RTCB: variants seen among roughly 807,000 people sequenced by gnomAD.
RTCB encodes RNA-splicing ligase RTCB.
Under a neutral mutation model 58.2 loss-of-function variants are expected in RTCB, and 32 were observed. The ratio of observed to expected loss-of-function variants is 0.55; its 90% CI spans 0.41 to 0.74. The LOEUF is 0.74. RTCB is among the 30% of genes least tolerant of loss of function. The pLI is 0.00. For synonymous variants in RTCB, 247 were observed against 218.6 expected, an observed-to-expected ratio of 1.13 and a Z score of -1.15; for missense variants, 523 against 639.0, an observed-to-expected ratio of 0.82 and a Z score of 1.96.
At chr22:32,394,089 A>T in intron 9 of RTCB, 87 bp from the exon 10 acceptor site, 2 of 834,138 alleles carry the variant, frequency 2.4e-6, no homozygotes, top group Non-Finnish European at 2.0e-6. Context: ...CTTGCACTGT[A>T]GGATTGTAGG....
intron 11 of RTCB, among the ~76,000 whole-genome samples, chr22:32,389,520 C>G (rs556937923): frequency 6.6e-6 from 1 of 152,240 alleles, no homozygotes; most frequent in African/African-American, 2.4e-5. Flanking sequence ...CTTTGTAGCT[C>G]AGGCTGGTCT....
intron 1 of RTCB, 137 bp downstream of exon 1, chr22:32,411,927 A>T: frequency 1.6e-6 from 1 of 634,622 alleles, no homozygotes; most frequent in South Asian, 2.2e-5. Context: ...CCGTGAGGGG[A>T]GAAGGACGGG....
chr22:32,390,844 T>C (rs1933143622), intron 11 of RTCB, among the ~76,000 whole-genome samples: 1 of 152,238 alleles, frequency 6.6e-6, no homozygotes, highest in Non-Finnish European at 1.5e-5. Context: ...ATACTCTGAC[T>C]CAGTAATTCC....
intron 11 of RTCB, among the ~76,000 whole-genome samples, chr22:32,390,300 G>C (rs190314948): frequency 1.3e-5 from 2 of 152,210 alleles, no homozygotes; most frequent in African/African-American, 4.8e-5. Flanking sequence ...TGGTTAGTAC[G>C]TGTTAGCTGA....
chr22:32,399,698 C>T lies in RTCB; in HGVS notation c.559G>A (p.Ala187Thr), dbSNP rs751820655. Residue 187 changes from alanine to threonine, a missense_variant, in exon 6 of 12, where the codon GCT becomes ACT. Coordinates refer to ENST00000216038, the MANE Select transcript of RTCB (RefSeq NM_014306.5). ...DWSLREGYAW[A>T]EDKEHCEEYG... ...TCCTCGCAGTGCTCCTTGTCTTCAGCCCAGGCATACCCTTCTCTTAAGGAC... is the reference window on the plus strand; with the variant it reads ...TCCTCGCAGTGCTCCTTGTCTTCAGTCCAGGCATACCCTTCTCTTAAGGAC... The T allele has an allele frequency of 6.2e-7, 1 of 1,614,078 alleles. No homozygotes were observed. Among genetic ancestry groups the T allele is most frequent in the Non-Finnish European group, 8.5e-7 (1 of 1,179,990 alleles).
intron 4 of RTCB, among the ~76,000 whole-genome samples, chr22:32,402,776 T>C (rs1933359471): frequency 6.6e-6 from 1 of 152,114 alleles, no homozygotes; most frequent in Non-Finnish European, 1.5e-5. Context: ...GACAGGTTCT[T>C]GTTCTCTCAC....
At chr22:32,388,243 AAAAG>A in intron 11 of RTCB, 144 bp from the exon 12 acceptor site, 3 of 583,796 alleles carry the variant, frequency 5.1e-6, no homozygotes, top group Non-Finnish European at 9.1e-6. Context: ...AAAAATTTAA[AAAAG>A]AAGTAAGCCT....
Position 32,401,871 on chromosome 22 carries a change from GGACACCACAGTTGATGTCAAACCC to G in RTCB, c.349_372del (p.Gly117_Val124del). The G allele has an allele frequency of 1.2e-6, 2 of 1,613,988 alleles. No homozygotes were observed. Among genetic ancestry groups the G allele is most frequent in the East Asian group, 2.2e-5 (1 of 44,870 alleles). ...TCATCTAAATTGGTTCTTAGCAAGC[GGACACCACAGTTGATGTCAAACCC>G]GACACCACCTACAAAATAGAGAAAA... On this transcript the variant is annotated inframe_deletion, in exon 5 of 12. Coordinates refer to ENST00000216038, the MANE Select transcript of RTCB (RefSeq NM_014306.5).
chr22:32,388,319 A>G (rs1324851201), intron 11 of RTCB, among the ~76,000 whole-genome samples: 2 of 152,014 alleles, frequency 1.3e-5, no homozygotes, highest in African/African-American at 4.8e-5. Context: ...TATTTTTCAA[A>G]ATGTCTTTAA....
chr22:32,397,589 A>ATGAATTCT (rs1415440196), intron 7 of RTCB, among the ~76,000 whole-genome samples: 1 of 152,230 alleles, frequency 6.6e-6, no homozygotes, highest in African/African-American at 2.4e-5. Flanking sequence ...GCCAAATGAA[A>ATGAATTCT]GCCTATTTCA....
intron 9 of RTCB, among the ~76,000 whole-genome samples, chr22:32,394,402 C>G (rs1933209246): frequency 6.6e-6 from 1 of 152,018 alleles, no homozygotes. Flanking sequence ...TAAGCCACCA[C>G]ACCCGGCCGG....
At chr22:32,392,703 T>C (rs1419207765) in intron 10 of RTCB, among the ~76,000 whole-genome samples, 1 of 152,184 alleles carries the variant, frequency 6.6e-6, no homozygotes, top group African/African-American at 2.4e-5. Flanking sequence ...GGGGATCTCC[T>C]TTGTTGAAAA....
chr22:32,393,433 G>C lies in RTCB; in HGVS notation c.1290+459C>G, dbSNP rs558951701. Among the ~76,000 whole-genome samples the C allele has an allele frequency of 1.6e-4, 24 of 152,226 alleles. No individual in the cohort carries two copies. The South Asian group carries it at 4.8e-3, about 30-fold the overall frequency. On this transcript the variant is annotated intron_variant, in intron 10 of 11. Transcript: ENST00000216038. ...AGATGAGAGGCAGTGTTTTGAAATG[G>C]GTGTGTGTGTAGACTGTACATGGGC...
At chr22:32,408,478 T>C (rs150064689) in intron 2 of RTCB, among the ~76,000 whole-genome samples, 289 of 152,294 alleles carry the variant, frequency 1.9e-3, no homozygotes, top group African/African-American at 6.2e-3. Flanking sequence ...ATATAGTAAG[T>C]GCAAAACAAA....
At chr22:32,407,846 T>C (rs1933454112) in intron 3 of RTCB, 1 of 283,902 alleles carries the variant, frequency 3.5e-6, no homozygotes, top group Non-Finnish European at 6.8e-6. Context: ...CAGTGCAGTG[T>C]GGAACTCTGG....
intron 1 of RTCB, among the ~76,000 whole-genome samples, chr22:32,411,466 G>C (rs1188945749): frequency 6.6e-6 from 1 of 152,106 alleles, no homozygotes; most frequent in Non-Finnish European, 1.5e-5. Flanking sequence ...CTTCTTCCTA[G>C]GTGGGTAGAG....
intron 4 of RTCB, among the ~76,000 whole-genome samples, chr22:32,403,090 C>T (rs73168732): frequency 0.064 from 9,709 of 151,894 alleles, 404 homozygotes; most frequent in African/African-American, 0.11. Context: ...GAGAGATGAC[C>T]GGCAAATAAA....
At chr22:32,406,198 C>T (rs1019905112) in intron 4 of RTCB, among the ~76,000 whole-genome samples, 3 of 152,132 alleles carry the variant, frequency 2.0e-5, no homozygotes, top group African/African-American at 7.2e-5. Flanking sequence ...TTGTAATAGC[C>T]TCTCAGTATC....
chr22:32,409,777 C>CAAGAAAGAAGGAAG (rs1423198198), intron 1 of RTCB, among the ~76,000 whole-genome samples: 21 of 151,924 alleles, frequency 1.4e-4, no homozygotes, highest in Admixed American at 2.6e-4. Context: ...ATAAGATCTT[C>CAAGAAAGAAGGAAG]CTTTCAAGGA....
Sources: gnomAD v4.1 joint callset for allele counts (sites outside exome capture counted in the v4.1 genomes callset) on GRCh38, gnomAD v4.1.1 for gene constraint, MANE v1.5 for transcripts, NCBI Gene and HGNC (gene_info 2026-07-23, HGNC 2026-07-21) for gene names.